Variants in ZFHX3 observed in about 807,000 individuals in gnomAD.
The protein encoded by ZFHX3 is zinc finger homeobox protein 3.
Under a neutral mutation model 279.1 loss-of-function variants are expected in ZFHX3, and 42 were observed. The ratio of observed to expected loss-of-function variants is 0.15; its 90% CI spans 0.12 to 0.19. ZFHX3 has a LOEUF of 0.19. Ranked by LOEUF, ZFHX3 falls within the 10% of genes least tolerant of loss-of-function variation. The probability of loss-of-function intolerance (pLI) is 1.00; values close to 1 mark genes in which losing one functional copy is unlikely to be tolerated. For synonymous variants in ZFHX3, 2,293 were observed against 1,957.8 expected, an observed-to-expected ratio of 1.17 and a Z score of -4.52; for missense variants, 4,981 against 4,754.0, an observed-to-expected ratio of 1.05 and a Z score of -1.40.
chr16:73,778,135 C>G (rs148018334), intron 1 of ZFHX3, among the ~76,000 whole-genome samples: 1,729 of 149,638 alleles, frequency 0.012, 14 homozygotes, highest in African/African-American at 0.023. Flanking sequence ...TGAAAATGAC[C>G]CATGCTGAGG....
At chr16:72,996,787 T>A (rs1057424255) in intron 1 of ZFHX3, among the ~76,000 whole-genome samples, 1 of 152,218 alleles carries the variant, frequency 6.6e-6, no homozygotes, top group Non-Finnish European at 1.5e-5. Context: ...ACTTTGTTGA[T>A]AATAATCAGC....
At chr16:73,325,538 T>C (rs1322577515) in intron 3 of ZFHX3, among the ~76,000 whole-genome samples, 2 of 152,066 alleles carry the variant, frequency 1.3e-5, no homozygotes, top group African/African-American at 4.8e-5. Context: ...TCATATCATA[T>C]GGCCATGCCT....
chr16:72,908,374 A>C (rs1415149949), intron 3 of ZFHX3, among the ~76,000 whole-genome samples: 1 of 152,236 alleles, frequency 6.6e-6, no homozygotes, highest in African/African-American at 2.4e-5. Flanking sequence ...AATCAGTATG[A>C]ATGAACTTCC....
intron 5 of ZFHX3, among the ~76,000 whole-genome samples, chr16:73,239,933 C>G (rs2013067922): frequency 6.6e-6 from 1 of 152,128 alleles, no homozygotes; most frequent in Non-Finnish European, 1.5e-5. Context: ...TAGGTTCCTG[C>G]AAGCCTCTGG....
chr16:73,265,947 T>G (rs186364224), intron 4 of ZFHX3, among the ~76,000 whole-genome samples: 24 of 152,222 alleles, frequency 1.6e-4, no homozygotes, highest in Admixed American at 8.5e-4. Flanking sequence ...CTGATCGATT[T>G]CATCTTCCAG....
intron 4 of ZFHX3, among the ~76,000 whole-genome samples, chr16:72,841,568 T>C (rs1470874727): frequency 3.3e-5 from 5 of 152,184 alleles, no homozygotes; most frequent in Non-Finnish European, 2.9e-5. Flanking sequence ...TCCTGTACAA[T>C]GAAACGGTCT....
At chr16:73,258,854 A>C (rs898234293) in intron 4 of ZFHX3, among the ~76,000 whole-genome samples, 4 of 152,164 alleles carry the variant, frequency 2.6e-5, no homozygotes, top group Non-Finnish European at 5.9e-5. Flanking sequence ...CCAAATAACC[A>C]TTCTACTGAG....
At chr16:73,308,237 A>G (rs201592163) in intron 4 of ZFHX3, among the ~76,000 whole-genome samples, 1 of 7,724 alleles carries the variant, frequency 1.3e-4, no homozygotes, top group Non-Finnish European at 4.3e-4. Flanking sequence ...ATATATATAT[A>G]TATATATATA....
Position 73,683,377 on chromosome 16 carries a change from G to A in ZFHX3, c.-1607-3137C>T, listed in dbSNP as rs549369252. On this transcript the variant is annotated intron_variant, in intron 1 of 17. Coordinates refer to the ZFHX3 transcript ENST00000641206. ...AAAATTAATCAGAGCCTTAAGCCAC[G>A]AGATAACCTTTTATAAATATGTAGA... Among the ~76,000 whole-genome samples the A allele has an allele frequency of 5.7e-4, 87 of 152,238 alleles. 1 individual carries two copies. The highest frequency in any genetic ancestry group is 1.9e-3 in the African/African-American group (81 of 41,550).
chr16:73,753,007 A>G lies in ZFHX3; in HGVS notation c.-1607-72767T>C, dbSNP rs560117546. ...CATACTCAATACTTAAGGCACTTTC[A>G]TGGGTCATTTGTGGACCTGTGCATT... is the stretch of plus-strand genomic sequence containing the variant. On this transcript the variant is annotated intron_variant, in intron 1 of 17. Coordinates refer to the ZFHX3 transcript ENST00000641206. 1.2e-4 allele frequency among the ~76,000 whole-genome samples: 18 copies of G among 152,294 alleles called. No individual in the cohort carries two copies. In the South Asian group the frequency reaches 3.5e-3, roughly 30 times the overall value.
At chr16:73,317,527 A>G (rs2015478957) in intron 4 of ZFHX3, among the ~76,000 whole-genome samples, 1 of 152,192 alleles carries the variant, frequency 6.6e-6, no homozygotes, top group South Asian at 2.1e-4. Flanking sequence ...AGAAAATAGC[A>G]TAATTATAGA....
In ZFHX3 at chr16:73,068,255, A is replaced by G. The variant is rs545976336; in HGVS notation, c.-532-9243T>C. On this transcript the variant is annotated intron_variant, in intron 8 of 17. Coordinates refer to the ZFHX3 transcript ENST00000641206. ...CCTGTCAGGCTTTAAAGCTATTTCT[A>G]TTACACCAGTTGCCTCTCATCAAGG... 1.5e-4 allele frequency among the ~76,000 whole-genome samples: 23 copies of G among 152,300 alleles called. 2 individuals are homozygous for G. The highest frequency in any genetic ancestry group is 1.9e-4 in the East Asian group (1 of 5,180).
At chr16:73,466,022 G>A (rs563227456) in intron 2 of ZFHX3, among the ~76,000 whole-genome samples, 1 of 150,312 alleles carries the variant, frequency 6.7e-6, no homozygotes, top group African/African-American at 2.4e-5. Context: ...TAAAACACAA[G>A]AATGTCGGTG....
chr16:73,190,120 C>T (rs1162544320), intron 5 of ZFHX3, among the ~76,000 whole-genome samples: 1 of 152,178 alleles, frequency 6.6e-6, no homozygotes, highest in African/African-American at 2.4e-5. Flanking sequence ...ATCTTGACCA[C>T]TCCTTATCTG....
chr16:73,304,169 A>G (rs1027811979), intron 4 of ZFHX3, among the ~76,000 whole-genome samples: 3 of 152,066 alleles, frequency 2.0e-5, no homozygotes, highest in Admixed American at 6.6e-5. Flanking sequence ...GTCTGTGTCC[A>G]GGTTCAGGGT....
At chr16:73,758,920 C>A (rs1202369534) in intron 1 of ZFHX3, among the ~76,000 whole-genome samples, 1 of 152,208 alleles carries the variant, frequency 6.6e-6, no homozygotes. Flanking sequence ...CTATTATCCC[C>A]ATTTTACAAA....
intron 7 of ZFHX3, among the ~76,000 whole-genome samples, chr16:73,114,580 G>A (rs1185473314): frequency 6.6e-6 from 1 of 152,032 alleles, no homozygotes; most frequent in African/African-American, 2.4e-5. Flanking sequence ...TCAGGAGGGT[G>A]AGCTGGGAGG....
At chr16:73,518,362 G>A (rs764675185) in intron 2 of ZFHX3, among the ~76,000 whole-genome samples, 5 of 152,190 alleles carry the variant, frequency 3.3e-5, no homozygotes, top group Non-Finnish European at 5.9e-5. Flanking sequence ...ATTTACTTCT[G>A]TTATTTTCCC....
chr16:73,095,503 C>T (rs940717660), intron 7 of ZFHX3, among the ~76,000 whole-genome samples: 5 of 152,216 alleles, frequency 3.3e-5, no homozygotes, highest in Admixed American at 6.5e-5. Flanking sequence ...TGGCATGTTG[C>T]CCACAGCGGC....
Sources: gnomAD v4.1 joint callset for allele counts (sites outside exome capture counted in the v4.1 genomes callset) on GRCh38, gnomAD v4.1.1 for gene constraint, MANE v1.5 for transcripts, NCBI Gene and HGNC (gene_info 2026-07-23, HGNC 2026-07-21) for gene names.